TCF20: variants seen among roughly 807,000 people sequenced by gnomAD.
TCF20 encodes the protein transcription factor 20, also known as SPRE-binding protein.
In TCF20, 3 loss-of-function variants were observed where a neutral mutation model predicts 148.6. The ratio of observed to expected loss-of-function variants is 0.02; its 90% confidence interval spans 0.01 to 0.05. TCF20 has a LOEUF of 0.05. TCF20 is among the 10% of genes least tolerant of loss of function. TCF20 has a pLI of 1.00. For missense variants in TCF20, 2,350 were observed against 2,429.3 expected (o/e 0.97, Z 0.69); for synonymous variants, 1,049 against 909.5 (o/e 1.15, Z -2.76).
chr22:42,194,841 G>A (rs1450528528), intron 2 of TCF20, among the ~76,000 whole-genome samples: 1 of 151,840 alleles, frequency 6.6e-6, no homozygotes, highest in African/African-American at 2.4e-5. Flanking sequence ...GGGAGGGCAG[G>A]CCTCTGAGGC....
intron 1 of TCF20, among the ~76,000 whole-genome samples, chr22:42,221,735 A>C (rs1922372832): frequency 1.9e-5 from 1 of 53,324 alleles, no homozygotes; most frequent in Non-Finnish European, 3.6e-5. Flanking sequence ...CCATATGGCA[A>C]AGGGTTTTTT....
Position 42,212,223 on chromosome 22 carries a change from C to A in TCF20, c.3083G>T (p.Gly1028Val). Reference protein sequence around the residue: ...MSPGRSRGPGGDPHHMNPHMT... With the variant: ...MSPGRSRGPGVDPHHMNPHMT... The stretch of plus-strand genomic sequence containing the variant: ...GTGTGGATTCATGTGATGAGGGTCT[C>A]CCCCTGGGCCTCTGCTCCGCCCAGG... Residue 1028 changes from glycine to valine, a missense_variant, in exon 2 of 6, where the codon GGA becomes GTA. Transcript: ENST00000677622. 1.2e-6 allele frequency: 2 copies of A among 1,614,184 alleles called. No individual in the cohort carries two copies. Among genetic ancestry groups the A allele is most frequent in the East Asian group, 4.5e-5 (2 of 44,876 alleles).
chr22:42,189,719 G>A (rs965749941), intron 2 of TCF20, among the ~76,000 whole-genome samples: 5 of 152,012 alleles, frequency 3.3e-5, no homozygotes, highest in Non-Finnish European at 5.9e-5. Context: ...CTTTTTTTCC[G>A]TATCATTTTA....
intron 2 of TCF20, among the ~76,000 whole-genome samples, chr22:42,194,142 G>T (rs1477486999): frequency 6.6e-6 from 1 of 152,182 alleles, no homozygotes; most frequent in African/African-American, 2.4e-5. Context: ...TCTTTATGTG[G>T]CTGGATCATT....
chr22:42,194,000 T>C (rs1937472611), intron 2 of TCF20, among the ~76,000 whole-genome samples: 2 of 152,166 alleles, frequency 1.3e-5, no homozygotes, highest in African/African-American at 4.8e-5. Flanking sequence ...GGTCAGATTA[T>C]TGAAATTGTC....
chr22:42,229,104 G>A (rs898310239), intron 1 of TCF20, among the ~76,000 whole-genome samples: 2 of 152,144 alleles, frequency 1.3e-5, no homozygotes, highest in African/African-American at 4.8e-5. Context: ...GTGGAGAAGA[G>A]GAAAAGAAGC....
chr22:42,331,240 C>T (rs923544040), intron 1 of TCF20, among the ~76,000 whole-genome samples: 1 of 152,186 alleles, frequency 6.6e-6, no homozygotes, highest in Non-Finnish European at 1.5e-5. Context: ...GCCTGGCTGA[C>T]AAGCCGCTAA....
At chr22:42,217,103 C>G (rs1921886913) in intron 1 of TCF20, among the ~76,000 whole-genome samples, 1 of 152,160 alleles carries the variant, frequency 6.6e-6, no homozygotes, top group Non-Finnish European at 1.5e-5. Context: ...AAAGGTAAGT[C>G]AGATTTATCC....
chr22:42,320,253 C>T (rs1927707656), intron 1 of TCF20, among the ~76,000 whole-genome samples: 1 of 152,204 alleles, frequency 6.6e-6, no homozygotes, highest in Non-Finnish European at 1.5e-5. Context: ...CCTAAAATGC[C>T]CTTCCCAGAG....
intron 1 of TCF20, among the ~76,000 whole-genome samples, chr22:42,266,576 G>A (rs886614642): frequency 4.6e-5 from 7 of 151,962 alleles, no homozygotes; most frequent in African/African-American, 7.2e-5. Flanking sequence ...TCAGGAGTTC[G>A]AGACTGGCCT....
chr22:42,254,711 G>C (rs1355831663), intron 1 of TCF20, among the ~76,000 whole-genome samples: 2 of 152,132 alleles, frequency 1.3e-5, no homozygotes. Flanking sequence ...AAAAGGAGCT[G>C]GTCCCAGCAC....
At chr22:42,244,215 T>TG (rs1396596525) in intron 1 of TCF20, among the ~76,000 whole-genome samples, 2 of 152,116 alleles carry the variant, frequency 1.3e-5, no homozygotes, top group Non-Finnish European at 2.9e-5. Context: ...TCAGCCACTG[T>TG]GAAAAAGTCT....
Position 42,165,296 on chromosome 22 carries a change from G to T in TCF20, c.*44+3313C>A, listed in dbSNP as rs1036742080. 2.0e-5 allele frequency among the ~76,000 whole-genome samples: 3 copies of T among 152,238 alleles called. No homozygotes were observed. The South Asian group carries it at 6.2e-4, about 31-fold the overall frequency. On this transcript the variant is annotated intron_variant, in intron 5 of 5. Transcript: ENST00000677622. ...CGCCCCGTTCCCTGCCTTGCTCAGC[G>T]TCCATCCATGGCTGTTCTGTGCAGG...
rs1432923771 is a variant in TCF20 at position 42,211,263 on chromosome 22, C to T, written c.4043G>A (p.Arg1348Gln). 6 of 1,614,030 alleles carry T rather than the reference C, an allele frequency of 3.7e-6. No homozygotes were observed. Among genetic ancestry groups the T allele is most frequent in the Non-Finnish European group, 4.2e-6 (5 of 1,180,036 alleles). Residue 1348 changes from arginine (R) to glutamine (Q), a missense_variant, in exon 2 of 6, where the codon CGG (arginine) becomes CAG (glutamine). By Grantham distance (43) the Arg-to-Gln change is conservative (BLOSUM62 1). Transcript: ENST00000677622. Reference sequence around the variant, plus strand: ...AACTATAGCTTCCAATTTCAATCCCCGTCCTTTCCGTGGGGGCAGTATTTT... The same window carrying T: ...AACTATAGCTTCCAATTTCAATCCCTGTCCTTTCCGTGGGGGCAGTATTTT... Reference protein sequence around the residue: ...KTKILPPRKGRGLKLEAIVQK... With the variant: ...KTKILPPRKGQGLKLEAIVQK...
rs1045189619 is a variant in TCF20 at position 42,279,768 on chromosome 22, C to A, written c.-37+4059G>T. On this transcript the variant is annotated intron_variant, in intron 1 of 5. Transcript: ENST00000359486. The surrounding 1 kb of genome is among the most constrained non-coding windows in gnomAD (Gnocchi z 4.3). Reference sequence around the variant, plus strand: ...ACAGCGGAGCAAGGAGGAAGCCACACCTGTTGGATCCCAAAGCTTCTGCTG... The same window carrying A: ...ACAGCGGAGCAAGGAGGAAGCCACAACTGTTGGATCCCAAAGCTTCTGCTG... 1.3e-5 allele frequency among the ~76,000 whole-genome samples: 2 copies of A among 152,198 alleles called. No individual in the cohort carries two copies. Among genetic ancestry groups the A allele is most frequent in the Non-Finnish European group, 2.9e-5 (2 of 68,036 alleles).
At chr22:42,260,520 G>C (rs1185538992) in intron 1 of TCF20, among the ~76,000 whole-genome samples, 1 of 152,108 alleles carries the variant, frequency 6.6e-6, no homozygotes, top group Non-Finnish European at 1.5e-5. Context: ...AGATGAGAGG[G>C]AACAAATTCA....
chr22:42,268,868 C>T lies in TCF20; in HGVS notation c.-37+1471G>A, dbSNP rs762599115. Among the ~76,000 whole-genome samples, 56 of 152,196 alleles carry T rather than the reference C, an allele frequency of 3.7e-4. 1 individual carries two copies. Among genetic ancestry groups the T allele is most frequent in the Admixed American group, 3.7e-3 (56 of 15,276 alleles). The stretch of plus-strand genomic sequence containing the variant: ...TTTTATGCTCTGTTGAAGGCAGAGG[C>T]TGGAAGCTTAAAGACAGGCTTTTAA... On this transcript the variant is annotated intron_variant, in intron 1 of 5. Coordinates refer to ENST00000677622, the MANE Select transcript of TCF20 (RefSeq NM_001378418.1).
chr22:42,262,207 C>A (rs1926065420), intron 1 of TCF20, among the ~76,000 whole-genome samples: 1 of 152,102 alleles, frequency 6.6e-6, no homozygotes, highest in South Asian at 2.1e-4. Flanking sequence ...CGACTCTTGG[C>A]CGCTCTGGGT....
chr22:42,266,409 GA>G (rs1926289472), intron 1 of TCF20, among the ~76,000 whole-genome samples: 1 of 152,186 alleles, frequency 6.6e-6, no homozygotes, highest in South Asian at 2.1e-4. Flanking sequence ...GGACTCATGA[GA>G]AAAAGTCCAA....
Sources: allele counts gnomAD v4.1 joint callset (sites outside exome capture counted in the v4.1 genomes callset), GRCh38; gene constraint gnomAD v4.1.1; non-coding constraint Gnocchi (gnomAD v3.1); transcripts MANE v1.5; gene names NCBI Gene and HGNC (gene_info 2026-07-23, HGNC 2026-07-21).